GALNT10: variants seen among roughly 807,000 people sequenced by gnomAD.
GALNT10 encodes the protein GalNAc transferase 10.
GALNT10 carries 41 observed loss-of-function variants against 75.0 expected under a neutral mutation model. That is an observed-to-expected ratio of 0.55 (90% CI 0.43 to 0.71). The LOEUF is 0.71. Among genes scored for constraint, GALNT10 ranks in the 30% least tolerant of loss-of-function variants. The pLI is 0.00. For synonymous variants in GALNT10, 302 were observed against 313.0 expected (o/e 0.96, Z 0.37); for missense variants, 727 against 818.5 (o/e 0.89, Z 1.36).
intron 1 of GALNT10, among the ~76,000 whole-genome samples, chr5:154,234,173 G>A (rs1314318235): frequency 5.3e-5 from 8 of 152,056 alleles, no homozygotes; most frequent in Non-Finnish European, 8.8e-5. Context: ...TACATCTAAC[G>A]GCACTTATAA....
At chr5:154,393,228 C>T (rs979078265) in intron 7 of GALNT10, among the ~76,000 whole-genome samples, 1 of 152,042 alleles carries the variant, frequency 6.6e-6, no homozygotes, top group African/African-American at 2.4e-5. Context: ...TCTACACCAC[C>T]ACTCCCGGCT....
intron 3 of GALNT10, among the ~76,000 whole-genome samples, chr5:154,299,112 A>G (rs1217592848): frequency 1.3e-5 from 2 of 152,242 alleles, no homozygotes; most frequent in Non-Finnish European, 2.9e-5. Flanking sequence ...TTAGTTGCTT[A>G]CTGTATGCCA....
intron 6 of GALNT10, among the ~76,000 whole-genome samples, chr5:154,382,447 C>T (rs921835938): frequency 2.0e-5 from 3 of 152,244 alleles, no homozygotes; most frequent in Admixed American, 2.0e-4. Context: ...ACCTCAGAAT[C>T]AATCCTCAGT....
chr5:154,333,895 A>T (rs140112150), intron 4 of GALNT10, among the ~76,000 whole-genome samples: 2 of 152,352 alleles, frequency 1.3e-5, no homozygotes, highest in East Asian at 3.9e-4. Flanking sequence ...TTCTTGTTTC[A>T]AGAAGAAATT....
At chr5:154,230,912 A>C (rs1753140620) in intron 1 of GALNT10, among the ~76,000 whole-genome samples, 1 of 152,272 alleles carries the variant, frequency 6.6e-6, no homozygotes, top group Non-Finnish European at 1.5e-5. Context: ...CATTTGGTAA[A>C]TAAAAGAAAG....
At chr5:154,270,317 C>T (rs145082914) in intron 1 of GALNT10, among the ~76,000 whole-genome samples, 1 of 149,542 alleles carries the variant, frequency 6.7e-6, no homozygotes, top group African/African-American at 2.5e-5. Flanking sequence ...TTACTTAGTT[C>T]TATGTAGTCT....
chr5:154,364,292 C>T (rs1490594428), intron 4 of GALNT10, among the ~76,000 whole-genome samples: 5 of 152,214 alleles, frequency 3.3e-5, no homozygotes, highest in Admixed American at 2.6e-4. Context: ...GAAGCCTGAA[C>T]TGTCACCATA....
At chr5:154,395,094 C>T (rs1755990594) in intron 7 of GALNT10, among the ~76,000 whole-genome samples, 1 of 152,252 alleles carries the variant, frequency 6.6e-6, no homozygotes, top group Non-Finnish European at 1.5e-5. Context: ...ACTCCCTAAC[C>T]AGCACACACC....
chr5:154,281,573 A>G lies in GALNT10; in HGVS notation c.160-13243A>G, dbSNP rs77614475. Among the ~76,000 whole-genome samples, 476 of 152,286 alleles carry G rather than the reference A, an allele frequency of 3.1e-3. 2 individuals are homozygous for G. Among genetic ancestry groups the G allele is most frequent in the African/African-American group, 0.011 (461 of 41,554 alleles). On this transcript the variant is annotated intron_variant, in intron 1 of 11. Coordinates refer to ENST00000297107, the MANE Select transcript of GALNT10 (RefSeq NM_198321.4). Reference sequence around the variant, plus strand: ...CCTGCCTAAGGTCCTGCTCTTCATAAATGCACAGCCAGGAAACTGAAGCCT... The same window carrying G: ...CCTGCCTAAGGTCCTGCTCTTCATAGATGCACAGCCAGGAAACTGAAGCCT...
At chr5:154,310,112 A>G (rs1754491098) in intron 3 of GALNT10, among the ~76,000 whole-genome samples, 1 of 151,816 alleles carries the variant, frequency 6.6e-6, no homozygotes, top group African/African-American at 2.4e-5. Context: ...ACCCGCCCCC[A>G]CCCCATGGTG....
chr5:154,379,934 G>C (rs188408920), intron 5 of GALNT10, among the ~76,000 whole-genome samples: 1 of 152,148 alleles, frequency 6.6e-6, no homozygotes, highest in Non-Finnish European at 1.5e-5. Context: ...ACAGCCTAGG[G>C]TGCCAGTGAG....
chr5:154,407,536 C>A (rs1477581123), intron 8 of GALNT10, among the ~76,000 whole-genome samples: 2 of 152,060 alleles, frequency 1.3e-5, no homozygotes, highest in Non-Finnish European at 2.9e-5. Flanking sequence ...CATTCTTAAC[C>A]AGTCTGGCCA....
At position 154,337,712 on chromosome 5, in the gene GALNT10, GCCACCATATCCACCA is replaced by G. The variant is rs1754966232; in HGVS notation, c.568+7982_568+7996del. 5.0e-6 allele frequency: 6 copies of G among 1,209,402 alleles called. No individual in the cohort carries two copies. In the Admixed American group the frequency reaches 8.5e-5, roughly 17 times the overall value. 74.9% of individuals were successfully genotyped at this position (1,209,402 alleles called of 1,614,324 possible). ...CAAATCCATTATAGCCATCCCCACCGCCACCATATCCACCACCACCATGGCTGCCACCAAAGCCAC... is the reference window on the plus strand; with the variant it reads ...CAAATCCATTATAGCCATCCCCACCGCCACCATGGCTGCCACCAAAGCCAC... On this transcript the variant is annotated intron_variant, in intron 4 of 11. Transcript: ENST00000297107.
At chr5:154,329,781 C>A in intron 4 of GALNT10, 43 bp downstream of exon 4, 1 of 1,467,178 alleles carries the variant, frequency 6.8e-7, no homozygotes, top group Non-Finnish European at 9.5e-7. Flanking sequence ...TGTGCTTCAT[C>A]TGGCGACTCA....
At chr5:154,334,684 T>G (rs1375535498) in intron 4 of GALNT10, among the ~76,000 whole-genome samples, 1 of 152,228 alleles carries the variant, frequency 6.6e-6, no homozygotes, top group Non-Finnish European at 1.5e-5. Context: ...TGGTATGATC[T>G]CATTGACAGC....
At chr5:154,270,129 T>C (rs1429529347) in intron 1 of GALNT10, among the ~76,000 whole-genome samples, 1 of 151,882 alleles carries the variant, frequency 6.6e-6, no homozygotes, top group Non-Finnish European at 1.5e-5. Flanking sequence ...CTATACTTGA[T>C]AAATGCATGT....
chr5:154,349,441 G>A (rs13169964), intron 4 of GALNT10: 4 of 152,116 alleles, frequency 2.6e-5, no homozygotes, highest in Non-Finnish European at 5.9e-5. Context: ...GGGCAAGGTG[G>A]TGTGTGCCTG....
chr5:154,267,060 G>A (rs527238016), intron 1 of GALNT10, among the ~76,000 whole-genome samples: 1 of 152,262 alleles, frequency 6.6e-6, no homozygotes, highest in African/African-American at 2.4e-5. Flanking sequence ...CATACAGTGA[G>A]TTCATGCTGG....
At chr5:154,263,704 A>G (rs1453919119) in intron 1 of GALNT10, among the ~76,000 whole-genome samples, 1 of 152,172 alleles carries the variant, frequency 6.6e-6, no homozygotes, top group Non-Finnish European at 1.5e-5. Flanking sequence ...GCCCTTACAT[A>G]GTAGAAAGGA....
Sources: gnomAD v4.1 joint callset for allele counts (sites outside exome capture counted in the v4.1 genomes callset) on GRCh38, gnomAD v4.1.1 for gene constraint, MANE v1.5 for transcripts, NCBI Gene and HGNC (gene_info 2026-07-23, HGNC 2026-07-21) for gene names.